CACNA2D3: variants seen among roughly 807,000 people sequenced by gnomAD.
CACNA2D3 encodes voltage-dependent calcium channel subunit alpha-2/delta-3.
In CACNA2D3, 60 loss-of-function variants were observed where a neutral mutation model predicts 160.6. The ratio of observed to expected loss-of-function variants is 0.37; its 90% CI spans 0.30 to 0.46. CACNA2D3 has a LOEUF of 0.46. Ranked by LOEUF, CACNA2D3 falls within the 20% of genes least tolerant of loss-of-function variation. CACNA2D3 has a pLI of 1.00. For missense variants in CACNA2D3, 1,205 were observed against 1,365.0 expected (o/e 0.88, Z 1.85); for synonymous variants, 558 against 492.9 (o/e 1.13, Z -1.75).
chr3:54,921,077 G>A (rs1341198134), intron 27 of CACNA2D3, among the ~76,000 whole-genome samples: 1 of 152,180 alleles, frequency 6.6e-6, no homozygotes, highest in Non-Finnish European at 1.5e-5. Context: ...CGTCAAATCT[G>A]CTGATTACAG....
chr3:54,300,090 C>T (rs73091546), intron 2 of CACNA2D3, among the ~76,000 whole-genome samples: 12,777 of 152,276 alleles, frequency 0.084, 765 homozygotes, highest in South Asian at 0.13. Flanking sequence ...AATATGGGAC[C>T]AGAAGATAAA....
intron 35 of CACNA2D3, among the ~76,000 whole-genome samples, chr3:55,051,971 C>G (rs145775783): frequency 6.6e-6 from 1 of 152,276 alleles, no homozygotes; most frequent in East Asian, 1.9e-4. Flanking sequence ...GCCTCGTGCA[C>G]GGTGCACACA....
intron 25 of CACNA2D3, among the ~76,000 whole-genome samples, chr3:54,893,579 T>C (rs533511070): frequency 5.9e-5 from 9 of 152,098 alleles, no homozygotes; most frequent in African/African-American, 2.2e-4. Flanking sequence ...TTTCTGACTT[T>C]TGGTTTAGTT....
At chr3:54,852,494 C>A (rs149711383) in intron 17 of CACNA2D3, among the ~76,000 whole-genome samples, 3 of 152,192 alleles carry the variant, frequency 2.0e-5, no homozygotes, top group African/African-American at 4.8e-5. Context: ...CTCGCACCTC[C>A]GCTGGAATTT....
chr3:54,935,523 A>G (rs1485529428), intron 27 of CACNA2D3, among the ~76,000 whole-genome samples: 2 of 152,310 alleles, frequency 1.3e-5, no homozygotes, highest in South Asian at 4.1e-4. Flanking sequence ...CCTCACAGTG[A>G]CACGTTGTTT....
intron 27 of CACNA2D3, among the ~76,000 whole-genome samples, chr3:54,917,579 C>T (rs545921889): frequency 1.8e-4 from 27 of 152,314 alleles, no homozygotes; most frequent in Non-Finnish European, 3.2e-4. Flanking sequence ...GCACTCTGTG[C>T]GCTATGTATG....
intron 27 of CACNA2D3, among the ~76,000 whole-genome samples, chr3:54,906,131 G>T (rs138983511): frequency 0.013 from 1,984 of 152,170 alleles, 51 homozygotes; most frequent in African/African-American, 0.045. Flanking sequence ...GCTGAGCATG[G>T]CCAAGTTGCT....
intron 4 of CACNA2D3, among the ~76,000 whole-genome samples, chr3:54,472,201 G>T (rs755398297): frequency 1.3e-5 from 2 of 152,162 alleles, no homozygotes; most frequent in South Asian, 2.1e-4. Flanking sequence ...TGTCCAACAC[G>T]ATCAAGTTGG....
At chr3:54,343,977 G>C (rs1698411062) in intron 3 of CACNA2D3, among the ~76,000 whole-genome samples, 1 of 152,260 alleles carries the variant, frequency 6.6e-6, no homozygotes, top group East Asian at 1.9e-4. Flanking sequence ...ATATCTATTT[G>C]TAGGCATATG....
intron 14 of CACNA2D3, among the ~76,000 whole-genome samples, chr3:54,820,214 A>G (rs577027877): frequency 2.0e-5 from 3 of 151,910 alleles, no homozygotes; most frequent in Non-Finnish European, 1.5e-5. Flanking sequence ...ATCTGCAACT[A>G]TTTTCTCTAT....
intron 2 of CACNA2D3, among the ~76,000 whole-genome samples, chr3:54,162,072 C>T (rs28613537): frequency 0.25 from 37,736 of 152,048 alleles, 4,862 homozygotes; most frequent in East Asian, 0.35. Flanking sequence ...AATTTAGCCT[C>T]GGTCTGAAGG....
chr3:54,545,670 G>T (rs972261546), intron 5 of CACNA2D3, among the ~76,000 whole-genome samples: 7 of 152,176 alleles, frequency 4.6e-5, no homozygotes, highest in Non-Finnish European at 1.0e-4. Flanking sequence ...TGGTATGGAA[G>T]TGCTTCACTT....
chr3:54,493,728 C>T (rs1228815537), intron 4 of CACNA2D3, among the ~76,000 whole-genome samples: 2 of 152,252 alleles, frequency 1.3e-5, no homozygotes, highest in Admixed American at 1.3e-4. Context: ...CCGACAGCAT[C>T]CTGCTGCCTG....
At chr3:54,569,907 G>C (rs768762688) in intron 7 of CACNA2D3, 47 bp from the exon 8 acceptor site, 1 of 1,613,174 alleles carries the variant, frequency 6.2e-7, no homozygotes, top group African/African-American at 1.3e-5. Context: ...ATCTTGAAGA[G>C]AAGTGAAGTC....
At position 54,650,140 on chromosome 3, in the gene CACNA2D3, T is replaced by C. The variant is rs529088446; in HGVS notation, c.1167+7899T>C. On this transcript the variant is annotated intron_variant, in intron 11 of 37. Coordinates refer to ENST00000474759, the MANE Select transcript of CACNA2D3 (RefSeq NM_018398.3). ...ACCTGAATTTTCCTCAGTGAGCTAA[T>C]TTTTTTTTTTAGGGTGATATTTCAA... 3.7e-3 allele frequency among the ~76,000 whole-genome samples: 554 copies of C among 148,306 alleles called. 1 individual carries two copies. The highest frequency in any genetic ancestry group is 6.2e-3 in the Non-Finnish European group (414 of 66,650).
intron 2 of CACNA2D3, among the ~76,000 whole-genome samples, chr3:54,304,421 G>A (rs1358774659): frequency 2.6e-5 from 4 of 151,978 alleles, no homozygotes; most frequent in African/African-American, 9.7e-5. Context: ...AGCTTCCTAG[G>A]GAAATAAATT....
intron 13 of CACNA2D3, among the ~76,000 whole-genome samples, chr3:54,810,981 G>A (rs565794828): frequency 1.2e-4 from 19 of 152,068 alleles, no homozygotes; most frequent in Non-Finnish European, 2.5e-4. Context: ...GGTTGCCTGC[G>A]CTGGTCCCAT....
chr3:54,233,346 C>T (rs1020464748), intron 2 of CACNA2D3, among the ~76,000 whole-genome samples: 3 of 152,298 alleles, frequency 2.0e-5, no homozygotes, highest in Admixed American at 2.0e-4. Context: ...AACAATCACC[C>T]ACAGACTGTG....
intron 11 of CACNA2D3, among the ~76,000 whole-genome samples, chr3:54,643,944 C>G (rs890703848): frequency 1.3e-5 from 2 of 152,158 alleles, no homozygotes; most frequent in African/African-American, 4.8e-5. Context: ...TATTTAGAGC[C>G]ATTTATAAAA....
Sources: gnomAD v4.1 joint callset for allele counts (sites outside exome capture counted in the v4.1 genomes callset) on GRCh38, gnomAD v4.1.1 for gene constraint, MANE v1.5 for transcripts, NCBI Gene and HGNC (gene_info 2026-07-23, HGNC 2026-07-21) for gene names.